The following FRMD4A variants were observed in gnomAD, a reference collection of about 807,000 sequenced individuals.
The protein encoded by FRMD4A is FERM domain containing 4A.
In FRMD4A, 29 loss-of-function variants were observed where a neutral mutation model predicts 129.1. The ratio of observed to expected loss-of-function variants is 0.22; its 90% CI spans 0.17 to 0.31. The LOEUF (loss-of-function observed/expected upper bound fraction) is 0.31. Ranked by LOEUF, FRMD4A falls within the 10% of genes least tolerant of loss-of-function variation. FRMD4A has a pLI of 1.00. For missense variants in FRMD4A, 1,272 were observed against 1,375.8 expected, an observed-to-expected ratio of 0.92 and a Z score of 1.19; for synonymous variants, 634 against 571.6, an observed-to-expected ratio of 1.11 and a Z score of -1.56.
chr10:13,712,896 G>A (rs2088179285), intron 12 of FRMD4A, among the ~76,000 whole-genome samples: 1 of 152,226 alleles, frequency 6.6e-6, no homozygotes, highest in Admixed American at 6.5e-5. Flanking sequence ...ATGGCCTGCT[G>A]GATTCCCACA....
In FRMD4A at chr10:14,005,539, G is replaced by C. The variant is rs150697283; in HGVS notation, c.46-146627C>G. ...CCTGGGCACCTAAGGGGACAGGACTGTCAGTGTCCTGGAAATCATGTTCTT... is the reference window on the plus strand; with the variant it reads ...CCTGGGCACCTAAGGGGACAGGACTCTCAGTGTCCTGGAAATCATGTTCTT... On this transcript the variant is annotated intron_variant, in intron 2 of 24. Transcript: ENST00000357447. 2.1e-3 allele frequency among the ~76,000 whole-genome samples: 320 copies of C among 152,316 alleles called. 1 individual carries two copies. The highest frequency in any genetic ancestry group is 7.3e-3 in the African/African-American group (302 of 41,582).
intron 2 of FRMD4A, among the ~76,000 whole-genome samples, chr10:13,988,242 T>G (rs138794818): frequency 6.6e-6 from 1 of 152,356 alleles, no homozygotes; most frequent in Non-Finnish European, 1.5e-5. Flanking sequence ...ACAGAGTTTT[T>G]AAGGCCCAGG....
intron 2 of FRMD4A, among the ~76,000 whole-genome samples, chr10:14,001,910 G>C (rs1165042735): frequency 1.3e-5 from 2 of 152,140 alleles, no homozygotes; most frequent in Non-Finnish European, 2.9e-5. Context: ...TTTTGGTAAC[G>C]TCTCACACTT....
chr10:14,060,480 T>A (rs966334336), intron 2 of FRMD4A, among the ~76,000 whole-genome samples: 5 of 152,164 alleles, frequency 3.3e-5, no homozygotes, highest in African/African-American at 1.2e-4. Flanking sequence ...CTTTTACAAG[T>A]GGACTACTTG....
At chr10:13,890,868 C>T (rs143461643) in intron 2 of FRMD4A, 1 of 985,078 alleles carries the variant, frequency 1.0e-6, no homozygotes, top group African/African-American at 1.7e-5. Flanking sequence ...ATTAGCACAG[C>T]CATCCCTTGG....
At chr10:14,307,349 C>T (rs1846387250) in intron 2 of FRMD4A, among the ~76,000 whole-genome samples, 1 of 152,216 alleles carries the variant, frequency 6.6e-6, no homozygotes, top group Admixed American at 6.5e-5. Context: ...ACTCACTCCC[C>T]TCAAAAATTA....
chr10:14,129,261 C>T (rs1436224259), intron 2 of FRMD4A, among the ~76,000 whole-genome samples: 1 of 151,132 alleles, frequency 6.6e-6, no homozygotes, highest in Non-Finnish European at 1.5e-5. Flanking sequence ...AACCAAGGCA[C>T]AGAGACATTT....
At chr10:13,728,694 T>G (rs573214159) in intron 12 of FRMD4A, among the ~76,000 whole-genome samples, 22 of 151,030 alleles carry the variant, frequency 1.5e-4, no homozygotes, top group Non-Finnish European at 2.4e-4. Flanking sequence ...TCTCAGCCTC[T>G]TGAGTGGCTG....
intron 2 of FRMD4A, among the ~76,000 whole-genome samples, chr10:14,244,490 T>C (rs777038183): frequency 8.5e-5 from 13 of 152,360 alleles, no homozygotes; most frequent in Non-Finnish European, 1.8e-4. Context: ...TGAGGAGTCA[T>C]GGTAGGCATT....
At chr10:13,814,729 A>G (rs2093513328) in intron 3 of FRMD4A, among the ~76,000 whole-genome samples, 1 of 152,156 alleles carries the variant, frequency 6.6e-6, no homozygotes, top group South Asian at 2.1e-4. Flanking sequence ...CTACATCTCA[A>G]CAGATTTGAT....
rs569148331 is a variant in FRMD4A at position 14,248,526 on chromosome 10, G to A, written c.45+81532C>T. On this transcript the variant is annotated intron_variant, in intron 2 of 24. Coordinates refer to ENST00000357447, the MANE Select transcript of FRMD4A (RefSeq NM_018027.5). ...CTTCATTTCCCTCTGAATTGTTTGA[G>A]ATGTGGCACACTGTCACTGGAAATT... Among the ~76,000 whole-genome samples the A allele has an allele frequency of 3.3e-5, 5 of 152,198 alleles. No homozygotes were observed. In the East Asian group the frequency reaches 9.6e-4, roughly 29 times the overall value.
intron 2 of FRMD4A, among the ~76,000 whole-genome samples, chr10:14,242,660 C>T (rs1018297137): frequency 2.0e-5 from 3 of 152,268 alleles, no homozygotes; most frequent in East Asian, 3.9e-4. Flanking sequence ...CAAATTAAGT[C>T]ACGATAGATG....
At chr10:13,861,098 C>A (rs143607085) in intron 2 of FRMD4A, among the ~76,000 whole-genome samples, 6 of 152,214 alleles carry the variant, frequency 3.9e-5, no homozygotes, top group Non-Finnish European at 7.3e-5. Context: ...ACTGCACTCA[C>A]GGCTCAGTCC....
chr10:14,016,078 A>T (rs1326536013), intron 2 of FRMD4A, among the ~76,000 whole-genome samples: 1 of 152,170 alleles, frequency 6.6e-6, no homozygotes, highest in African/African-American at 2.4e-5. Context: ...CCTCTCTGTG[A>T]TGAGGCGTCT....
At chr10:14,159,248 C>G (rs1265517597) in intron 2 of FRMD4A, among the ~76,000 whole-genome samples, 10 of 152,154 alleles carry the variant, frequency 6.6e-5, no homozygotes. Flanking sequence ...CTGTGCAATA[C>G]AATTATGATT....
chr10:13,869,817 C>T (rs1157736326), intron 2 of FRMD4A, among the ~76,000 whole-genome samples: 2 of 152,140 alleles, frequency 1.3e-5, no homozygotes, highest in Non-Finnish European at 2.9e-5. Flanking sequence ...GGATTTTAAC[C>T]CACTATTCTA....
intron 2 of FRMD4A, among the ~76,000 whole-genome samples, chr10:14,246,860 A>T (rs1447988688): frequency 6.6e-6 from 1 of 152,028 alleles, no homozygotes; most frequent in Non-Finnish European, 1.5e-5. Context: ...GTGGAAGGGG[A>T]GGGAGTGTGA....
chr10:14,106,369 G>T (rs953969593), intron 2 of FRMD4A, among the ~76,000 whole-genome samples: 9 of 152,144 alleles, frequency 5.9e-5, no homozygotes, highest in East Asian at 1.9e-4. Context: ...ATTTAAGGGG[G>T]TTGGTTCTTT....
intron 2 of FRMD4A, among the ~76,000 whole-genome samples, chr10:14,185,393 A>G (rs566809381): frequency 7.2e-5 from 11 of 152,348 alleles, no homozygotes; most frequent in Admixed American, 1.3e-4. Flanking sequence ...TAGAATGTGC[A>G]TGAAAAAATC....
Sources: gnomAD v4.1 joint callset for allele counts (sites outside exome capture counted in the v4.1 genomes callset) on GRCh38, gnomAD v4.1.1 for gene constraint, MANE v1.5 for transcripts, NCBI Gene and HGNC (gene_info 2026-07-23, HGNC 2026-07-21) for gene names.